Variants in DLAT observed in about 807,000 individuals in gnomAD.
The protein encoded by DLAT is dihydrolipoyllysine-residue acetyltransferase component of pyruvate dehydrogenase complex, mitochondrial.
A neutral mutation model predicts 68.0 loss-of-function variants in DLAT; 43 were observed. The ratio of observed to expected loss-of-function variants is 0.63; its 90% confidence interval spans 0.50 to 0.81. DLAT has a LOEUF of 0.81. Among genes scored for constraint, DLAT ranks in the 40% least tolerant of loss-of-function variants. The probability of loss-of-function intolerance (pLI) is 0.00; values close to 1 mark genes in which losing one functional copy is unlikely to be tolerated. For synonymous variants in DLAT, 265 were observed against 288.6 expected (o/e 0.92, Z 0.83); for missense variants, 745 against 815.4 (o/e 0.91, Z 1.05).
At position 112,033,435 on chromosome 11, in the gene DLAT, C is replaced by T. The variant is rs587741174; in HGVS notation, c.692C>T (p.Thr231Ile). The T allele has an allele frequency of 8.1e-6, 13 of 1,613,836 alleles. No homozygotes were observed. In the South Asian group the frequency reaches 1.4e-4, roughly 18 times the overall value. ...VLLPALSPTM[T>I]MGTVQRWEKK... ...CTTCCTGCCCTCTCTCCCACCATGA[C>T]CATGGGCACAGTTCAGAGATGGGAA... is the stretch of plus-strand genomic sequence containing the variant. The change falls in exon 5 of 14, where the codon ACC (threonine) becomes ATC (isoleucine). Residue 231 changes from threonine to isoleucine, a missense_variant. Transcript: ENST00000280346.
At chr11:112,061,536 A>G (rs1864624954) in intron 13 of DLAT, 1 of 258,966 alleles carries the variant, frequency 3.9e-6, no homozygotes, top group Non-Finnish European at 7.5e-6. Context: ...CCATGGATAT[A>G]TGGAGGGTCA....
chr11:112,047,893 T>A (rs1863408420), intron 10 of DLAT, among the ~76,000 whole-genome samples: 1 of 152,220 alleles, frequency 6.6e-6, no homozygotes, highest in Non-Finnish European at 1.5e-5. Flanking sequence ...TGAAGTCAGG[T>A]AGCATGATGC....
intron 8 of DLAT, among the ~76,000 whole-genome samples, chr11:112,043,749 A>C (rs1457810765): frequency 3.8e-4 from 58 of 152,200 alleles, no homozygotes; most frequent in Non-Finnish European, 1.0e-4. Context: ...CTCTTATATA[A>C]AATAGTGTAG....
chr11:112,039,481 A>T, intron 7 of DLAT, 84 bp downstream of exon 7: 1 of 1,355,214 alleles, frequency 7.4e-7, no homozygotes. Flanking sequence ...ACAACTATGT[A>T]TAGCCGTACT....
At chr11:112,040,215 G>A (rs1426061366) in intron 7 of DLAT, among the ~76,000 whole-genome samples, 3 of 152,054 alleles carry the variant, frequency 2.0e-5, no homozygotes, top group African/African-American at 4.8e-5. Context: ...GGATAACTAA[G>A]GTACTTATTT....
In DLAT at chr11:112,026,253, A is replaced by G. The variant is rs782221985; in HGVS notation, c.335A>G (p.Glu112Gly). The G allele has an allele frequency of 5.6e-6, 9 of 1,605,940 alleles. No individual in the cohort carries two copies. The highest frequency in any genetic ancestry group is 3.3e-5 in the South Asian group (3 of 89,830). Reference sequence around the variant, plus strand: ...CAGGCAGGCACCATAGCCCGTTGGGAAAAAAAAGAGGGGGACAAAATCAAT... The same window carrying G: ...CAGGCAGGCACCATAGCCCGTTGGGGAAAAAAAGAGGGGGACAAAATCAAT... Reference protein sequence around the residue: ...TMQAGTIARWEKKEGDKINEG... With the variant: ...TMQAGTIARWGKKEGDKINEG... The change falls in exon 2 of 14, where the codon GAA becomes GGA. Residue 112 changes from glutamate to glycine, a missense_variant. By Grantham distance (98) the Glu-to-Gly change is moderately conservative. Transcript: ENST00000280346.
chr11:112,037,740 T>C (rs781785026), intron 6 of DLAT, among the ~76,000 whole-genome samples: 32 of 151,478 alleles, frequency 2.1e-4, no homozygotes, highest in Non-Finnish European at 4.3e-4. Flanking sequence ...TAGATACAGA[T>C]ACCATGCTTG....
chr11:112,059,051 T>TA lies in DLAT; in HGVS notation c.1515-838dup, dbSNP rs782171316. On this transcript the variant is annotated intron_variant, in intron 11 of 13. Coordinates refer to ENST00000280346, the MANE Select transcript of DLAT (RefSeq NM_001931.5). ...TGATAACAGAAGATCTGATATTGTG[T>TA]AAAAAAAAAAAAAAGATTGGGACCC... is the stretch of plus-strand genomic sequence containing the variant. Among the ~76,000 whole-genome samples, 1,058 of 140,124 alleles carry TA rather than the reference T, an allele frequency of 7.6e-3. 10 individuals are homozygous for TA. Among genetic ancestry groups the TA allele is most frequent in the African/African-American group, 0.022 (858 of 38,584 alleles). The allele number at this position is 140,124 out of a possible 152,430, so 91.9% of individuals were successfully genotyped here. A position where few individuals can be genotyped will look rare whatever the true frequency, so the allele number is the denominator to read the frequency against.
At position 112,045,977 on chromosome 11, in the gene DLAT, G is replaced by T; in HGVS notation, c.1398+7G>T. The T allele has an allele frequency of 3.9e-6, 6 of 1,535,392 alleles. No individual in the cohort carries two copies. The highest frequency in any genetic ancestry group is 5.4e-6 in the Non-Finnish European group (6 of 1,109,752). The stretch of plus-strand genomic sequence containing the variant: ...ACGGAAAGAACTTAATAAGGTAAAA[G>T]TTCTGAAAATTCCAACTTTCTAAGT... On this transcript the variant is annotated splice_region_variant and intron_variant, in intron 10 of 13. Coordinates refer to ENST00000280346, the MANE Select transcript of DLAT (RefSeq NM_001931.5).
At chr11:112,052,206 G>C (rs1489762312) in intron 11 of DLAT, among the ~76,000 whole-genome samples, 2 of 152,150 alleles carry the variant, frequency 1.3e-5, no homozygotes, top group Non-Finnish European at 2.9e-5. Flanking sequence ...TCTGTGACCA[G>C]ATGAGTAGAG....
In DLAT at chr11:112,025,663, G is replaced by A. The variant is rs1555179142; in HGVS notation, c.191G>A (p.Ser64Asn). Reference sequence around the variant, plus strand: ...CGGGCACTGTGCGGCTGGACCCCCAGTTCTGGGGCCACGCCGCGGAACCGC... The same window carrying A: ...CGGGCACTGTGCGGCTGGACCCCCAATTCTGGGGCCACGCCGCGGAACCGC... ...GVRALCGWTP[S>N]SGATPRNRLL... The change falls in exon 1 of 14, where the codon AGT becomes AAT. Residue 64 changes from serine to asparagine, a missense_variant. Ser to Asn is a conservative substitution (Grantham distance 46, BLOSUM62 1). Coordinates refer to ENST00000280346, the MANE Select transcript of DLAT (RefSeq NM_001931.5). 4 of 1,613,200 alleles carry A rather than the reference G, an allele frequency of 2.5e-6. No individual in the cohort carries two copies. Among genetic ancestry groups the A allele is most frequent in the African/African-American group, 1.3e-5 (1 of 75,060 alleles).
intron 2 of DLAT, among the ~76,000 whole-genome samples, chr11:112,026,959 C>A (rs1405774412): frequency 4.6e-5 from 7 of 150,682 alleles, no homozygotes; most frequent in South Asian, 2.1e-4. Context: ...CCCCCACTTC[C>A]CTCCCGGACG....
intron 13 of DLAT, 27 bp downstream of exon 13, chr11:112,061,201 G>T (rs200369358): frequency 1.9e-6 from 3 of 1,613,266 alleles, no homozygotes; most frequent in African/African-American, 2.7e-5. Flanking sequence ...AGGGGAAGTC[G>T]TAAGCTAATT....
Position 112,039,397 on chromosome 11 carries a change from G to C in DLAT, c.1129G>C (p.Gly377Arg), listed in dbSNP as rs1555180829. 6.2e-7 allele frequency: 1 copy of C among 1,613,706 alleles called. No homozygotes were observed. The highest frequency in any genetic ancestry group is 1.1e-5 in the South Asian group (1 of 91,074). The change falls in exon 7 of 14, where the codon GGG (glycine) becomes CGG (arginine). Residue 377 changes from glycine (G) to arginine (R), a missense_variant and splice_region_variant. Coordinates refer to ENST00000280346, the MANE Select transcript of DLAT (RefSeq NM_001931.5). ...EKGIDLTQVK[G>R]TGPDGRITKK... ...AGGGATTGATCTTACACAAGTAAAA[G>C]GTAAATCTGTTTCTATAGAATGGAC...
rs1208842121 is a variant in DLAT, at chr11:112,062,772, G to A, written c.*237G>A. On this transcript the variant is annotated 3_prime_UTR_variant, in exon 14 of 14. Transcript: ENST00000280346. ...TTTTTAGCTCTGTACTCCTAATTAA[G>A]GGACATGTATGTGGCCTTGCCTAGC... is the stretch of plus-strand genomic sequence containing the variant. The A allele has an allele frequency of 6.3e-6, 3 of 479,112 alleles. No homozygotes were observed. Among genetic ancestry groups the A allele is most frequent in the African/African-American group, 2.0e-5 (1 of 50,864 alleles). 29.7% of individuals were successfully genotyped at this position (479,112 alleles called of 1,614,324 possible).
chr11:112,030,971 T>G (rs1397416674), intron 4 of DLAT, among the ~76,000 whole-genome samples: 1 of 152,246 alleles, frequency 6.6e-6, no homozygotes, highest in Non-Finnish European at 1.5e-5. Context: ...TTAATTTTCC[T>G]CTACTTTGTG....
At position 112,051,154 on chromosome 11, in the gene DLAT, A is replaced by G; in HGVS notation, c.1399-80A>G. The G allele has an allele frequency of 1.0e-6, 1 of 973,752 alleles. No individual in the cohort carries two copies. Among genetic ancestry groups the G allele is most frequent in the Non-Finnish European group, 1.6e-6 (1 of 640,368 alleles). 60.3% of individuals were successfully genotyped at this position (973,752 alleles called of 1,614,324 possible). On this transcript the variant is annotated intron_variant, in intron 10 of 13. Coordinates refer to ENST00000280346, the MANE Select transcript of DLAT (RefSeq NM_001931.5). The surrounding 1 kb of genome is among the most constrained non-coding windows in gnomAD (Gnocchi z 4.3). Reference sequence around the variant, plus strand: ...GTTTACCTATATAATAAACCTGGACATTCTGCACATGCACCCTGAAACTTA... The same window carrying G: ...GTTTACCTATATAATAAACCTGGACGTTCTGCACATGCACCCTGAAACTTA...
At position 112,033,400 on chromosome 11, in the gene DLAT, G is replaced by A. The variant is rs1555180108; in HGVS notation, c.661-4G>A. 1.2e-6 allele frequency: 2 copies of A among 1,613,110 alleles called. No homozygotes were observed. The highest frequency in any genetic ancestry group is 8.5e-7 in the Non-Finnish European group (1 of 1,179,456). The stretch of plus-strand genomic sequence containing the variant: ...TAAGCAATAATATGTGTTTGTTTCT[G>A]CAGGTACTTCTTCCTGCCCTCTCTC... On this transcript the variant is annotated splice_polypyrimidine_tract_variant and splice_region_variant and intron_variant, in intron 4 of 13. Coordinates refer to ENST00000280346, the MANE Select transcript of DLAT (RefSeq NM_001931.5).
At chr11:112,059,319 A>G (rs1464924985) in intron 11 of DLAT, among the ~76,000 whole-genome samples, 1 of 151,774 alleles carries the variant, frequency 6.6e-6, no homozygotes, top group Non-Finnish European at 1.5e-5. Context: ...GATATGTGCG[A>G]AACCAACCTA....
Sources: gnomAD v4.1 joint callset for allele counts (sites outside exome capture counted in the v4.1 genomes callset) on GRCh38, gnomAD v4.1.1 for gene constraint, Gnocchi (gnomAD v3.1) non-coding constraint, MANE v1.5 for transcripts, NCBI Gene and HGNC (gene_info 2026-07-23, HGNC 2026-07-21) for gene names.